The following SLCO2A1 variants were observed in gnomAD, a reference collection of about 807,000 sequenced individuals.
SLCO2A1 encodes solute carrier organic anion transporter family member 2A1.
SLCO2A1 carries 60 observed loss-of-function variants against 71.7 expected under a neutral mutation model. That is an observed-to-expected ratio of 0.84 (90% CI 0.68 to 1.04). The LOEUF is 1.04. SLCO2A1 is among the 50% of genes least tolerant of loss of function. The pLI is 0.00. For missense variants in SLCO2A1, 745 were observed against 813.4 expected (o/e 0.92, Z 1.02); for synonymous variants, 308 against 326.7 (o/e 0.94, Z 0.62).
chr3:133,955,059 G>C lies in SLCO2A1; in HGVS notation c.532C>G (p.Leu178Val). The stretch of plus-strand genomic sequence containing the variant: ...GGCACTGTCCCGATGCCAGCCAGCA[G>C]CTGGGCAACCACCATCAGGCCCCAC... ...SMWGLMVVAQLLAGIGTVPIQ... is the reference protein window; with the variant it reads ...SMWGLMVVAQVLAGIGTVPIQ... Residue 178 changes from leucine (L) to valine (V), a missense_variant, in exon 4 of 14, where the codon CTG becomes GTG. Physicochemically the swap from Leu to Val is conservative, Grantham distance 32. Transcript: ENST00000310926. The C allele has an allele frequency of 6.2e-7, 1 of 1,614,224 alleles. No homozygotes were observed. The highest frequency in any genetic ancestry group is 1.3e-5 in the African/African-American group (1 of 75,070).
At chr3:133,940,752 G>T (rs927594068) in intron 11 of SLCO2A1, among the ~76,000 whole-genome samples, 1 of 152,200 alleles carries the variant, frequency 6.6e-6, no homozygotes, top group East Asian at 1.9e-4. Context: ...GTCAAAGGAG[G>T]CAACACGCCG....
intron 1 of SLCO2A1, among the ~76,000 whole-genome samples, chr3:134,015,279 C>T (rs1471671521): frequency 6.6e-6 from 1 of 152,198 alleles, no homozygotes; most frequent in South Asian, 2.1e-4. Flanking sequence ...GAAATCTTGT[C>T]AGTTGCTGCA....
intron 1 of SLCO2A1, among the ~76,000 whole-genome samples, chr3:133,981,059 T>C (rs967650783): frequency 2.6e-5 from 4 of 152,176 alleles, no homozygotes; most frequent in African/African-American, 9.6e-5. Flanking sequence ...CCCACTCTCT[T>C]TTCACAAATG....
At chr3:133,965,358 C>T (rs1029363797) in intron 3 of SLCO2A1, among the ~76,000 whole-genome samples, 9 of 152,188 alleles carry the variant, frequency 5.9e-5, no homozygotes, top group Non-Finnish European at 8.8e-5. Context: ...ATGCCCGGCT[C>T]GGGTGCCCGT....
intron 8 of SLCO2A1, among the ~76,000 whole-genome samples, chr3:133,947,962 T>C (rs1933628533): frequency 6.6e-6 from 1 of 152,152 alleles, no homozygotes; most frequent in African/African-American, 2.4e-5. Context: ...CTAGGGTACT[T>C]GGTGGGACCA....
chr3:133,947,578 G>C lies in SLCO2A1; in HGVS notation c.1106-133C>G. 5.5e-6 allele frequency: 4 copies of C among 724,136 alleles called. No homozygotes were observed. In the South Asian group the frequency reaches 8.6e-5, roughly 16 times the overall value. The allele number at this position is 724,136 out of a possible 1,614,324, so 44.9% of individuals were successfully genotyped here. On this transcript the variant is annotated intron_variant, in intron 8 of 13. Transcript: ENST00000310926. Reference sequence around the variant, plus strand: ...ACATTTGGTATGTTAAATTGTAATCGAAGTAGCTGACATTAATTGAGCATT... The same window carrying C: ...ACATTTGGTATGTTAAATTGTAATCCAAGTAGCTGACATTAATTGAGCATT...
chr3:133,976,780 T>G lies in SLCO2A1; in HGVS notation c.234+2701A>C, dbSNP rs532122356. 4.6e-5 allele frequency among the ~76,000 whole-genome samples: 7 copies of G among 152,122 alleles called. No homozygotes were observed. The South Asian group carries it at 1.5e-3, about 32-fold the overall frequency. ...CAAACCAAAGGGCCGCAGGGACAAC[T>G]GGTGGGTGGCGTGAAGGGCAGGCAG... On this transcript the variant is annotated intron_variant, in intron 2 of 13. Transcript: ENST00000310926.
intron 2 of SLCO2A1, among the ~76,000 whole-genome samples, 163 bp downstream of exon 2, chr3:133,979,318 C>G (rs1934529888): frequency 6.6e-6 from 1 of 152,244 alleles, no homozygotes; most frequent in South Asian, 2.1e-4. Context: ...TAGCTGCTCT[C>G]ACTGTGCCCA....
In SLCO2A1 at chr3:133,936,157, G is replaced by A. The variant is rs4502579; in HGVS notation, c.1691-260C>T. 0.22 allele frequency among the ~76,000 whole-genome samples: 32,844 copies of A among 152,070 alleles called. 4,507 individuals carry two copies. Among genetic ancestry groups the A allele is most frequent in the East Asian group, 0.46 (2,348 of 5,156 alleles). Reference sequence around the variant, plus strand: ...AAGTCACAGGGATCACCTTGATGCCGGCTCAGACATCCAACATAGTTCTCC... The same window carrying A: ...AAGTCACAGGGATCACCTTGATGCCAGCTCAGACATCCAACATAGTTCTCC... On this transcript the variant is annotated intron_variant, in intron 12 of 13. Coordinates refer to ENST00000310926, the MANE Select transcript of SLCO2A1 (RefSeq NM_005630.3).
intron 1 of SLCO2A1, chr3:133,998,746 A>G (rs1317884702): frequency 6.6e-6 from 1 of 152,212 alleles, no homozygotes; most frequent in East Asian, 1.9e-4. Context: ...GTCTACAGAC[A>G]TTTCTCCACC....
intron 11 of SLCO2A1, among the ~76,000 whole-genome samples, chr3:133,940,147 T>C (rs977026205): frequency 2.0e-5 from 3 of 152,142 alleles, no homozygotes; most frequent in Non-Finnish European, 4.4e-5. Flanking sequence ...TTTGTAATTT[T>C]AGTAGAGACA....
intron 3 of SLCO2A1, among the ~76,000 whole-genome samples, chr3:133,962,172 C>T (rs180786793): frequency 2.1e-3 from 320 of 152,248 alleles, no homozygotes; most frequent in Non-Finnish European, 3.7e-3. Context: ...ATCTGCCTCC[C>T]GGGTTTAAGC....
chr3:133,976,721 G>A (rs1467349946), intron 2 of SLCO2A1, among the ~76,000 whole-genome samples: 1 of 152,106 alleles, frequency 6.6e-6, no homozygotes, highest in Non-Finnish European at 1.5e-5. Flanking sequence ...CTGTTACAAT[G>A]CCCATCATGA....
At chr3:134,022,821 G>A (rs977583672) in intron 1 of SLCO2A1, among the ~76,000 whole-genome samples, 6 of 152,098 alleles carry the variant, frequency 3.9e-5, no homozygotes, top group African/African-American at 1.4e-4. Flanking sequence ...AATAAAAATA[G>A]GTGCTAAAGG....
At chr3:133,954,619 CAGTAGG>C (rs1559934177) in intron 4 of SLCO2A1, among the ~76,000 whole-genome samples, 2 of 152,180 alleles carry the variant, frequency 1.3e-5, no homozygotes, top group Non-Finnish European at 2.9e-5. Context: ...CAGAGAGCAA[CAGTAGG>C]TGCTGTTGGT....
intron 9 of SLCO2A1, among the ~76,000 whole-genome samples, chr3:133,946,627 A>G (rs1428283650): frequency 1.3e-5 from 2 of 152,220 alleles, no homozygotes; most frequent in Non-Finnish European, 2.9e-5. Flanking sequence ...TGCTAAACAT[A>G]GCTTATTTCC....
At chr3:134,013,062 T>C (rs1935372831) in intron 1 of SLCO2A1, among the ~76,000 whole-genome samples, 1 of 152,190 alleles carries the variant, frequency 6.6e-6, no homozygotes, top group Non-Finnish European at 1.5e-5. Context: ...CTTGGAAACT[T>C]GGGAGACTTT....
chr3:134,012,479 G>A (rs904782549), intron 1 of SLCO2A1, among the ~76,000 whole-genome samples: 3 of 152,166 alleles, frequency 2.0e-5, no homozygotes, highest in African/African-American at 7.2e-5. Flanking sequence ...AGGACATCAA[G>A]AGGATTCCTG....
At chr3:133,962,317 C>A (rs13070952) in intron 3 of SLCO2A1, among the ~76,000 whole-genome samples, 1 of 151,934 alleles carries the variant, frequency 6.6e-6, no homozygotes, top group Non-Finnish European at 1.5e-5. Flanking sequence ...TGACCTCAGA[C>A]GATCCACCCT....
Sources: allele counts gnomAD v4.1 joint callset (sites outside exome capture counted in the v4.1 genomes callset), GRCh38; gene constraint gnomAD v4.1.1; transcripts MANE v1.5; gene names NCBI Gene and HGNC (gene_info 2026-07-23, HGNC 2026-07-21).